The following CSMD3 variants were observed in gnomAD, a reference collection of about 807,000 sequenced individuals.
CSMD3 encodes the protein CUB and sushi domain-containing protein 3.
In CSMD3, 177 loss-of-function variants were observed where a neutral mutation model predicts 435.2. The observed-to-expected ratio is 0.41, with a 90% CI of 0.36 to 0.46. The LOEUF is 0.46. CSMD3 is among the 20% of genes least tolerant of loss of function. The pLI is 0.34. For synonymous variants in CSMD3, 1,656 were observed against 1,520.5 expected (o/e 1.09, Z -2.07); for missense variants, 4,265 against 4,504.6 (o/e 0.95, Z 1.52).
intron 10 of CSMD3, among the ~76,000 whole-genome samples, chr8:112,864,117 T>C (rs184296115): frequency 6.6e-6 from 1 of 152,296 alleles, no homozygotes; most frequent in Non-Finnish European, 1.5e-5. Flanking sequence ...TTGTCTTACA[T>C]TCAAGAGATA....
Position 113,034,126 on chromosome 8 carries a change from A to C in CSMD3, c.918-14947T>G, listed in dbSNP as rs1441034701. Reference sequence around the variant, plus strand: ...TTATAAATTACCCAGTCTCATTAGTATCTTCTGAGGAGTGTGAGAACAGAC... The same window carrying C: ...TTATAAATTACCCAGTCTCATTAGTCTCTTCTGAGGAGTGTGAGAACAGAC... On this transcript the variant is annotated intron_variant, in intron 5 of 70. Coordinates refer to ENST00000297405, the MANE Select transcript of CSMD3 (RefSeq NM_198123.2). Among the ~76,000 whole-genome samples, 15 of 151,688 alleles carry C rather than the reference A, an allele frequency of 9.9e-5. 1 individual carries two copies. Among genetic ancestry groups the C allele is most frequent in the East Asian group, 1.9e-4 (1 of 5,172 alleles).
At chr8:113,131,096 T>C (rs1032014139) in intron 4 of CSMD3, among the ~76,000 whole-genome samples, 5 of 152,046 alleles carry the variant, frequency 3.3e-5, no homozygotes, top group South Asian at 2.1e-4. Flanking sequence ...AAATTTGAAG[T>C]TATATTTAAA....
chr8:112,901,707 T>A (rs911136385), intron 10 of CSMD3, among the ~76,000 whole-genome samples: 9 of 151,290 alleles, frequency 5.9e-5, no homozygotes, highest in African/African-American at 2.2e-4. Flanking sequence ...TGATCCCCAG[T>A]GGAGACCAAA....
intron 27 of CSMD3, among the ~76,000 whole-genome samples, chr8:112,521,304 C>T (rs372577421): frequency 1.3e-5 from 2 of 152,056 alleles, no homozygotes; most frequent in East Asian, 1.9e-4. Flanking sequence ...TATCGTCAGT[C>T]TTTCCTCTAT....
chr8:112,250,636 A>G (rs2130203934), intron 63 of CSMD3, among the ~76,000 whole-genome samples: 1 of 151,808 alleles, frequency 6.6e-6, no homozygotes, highest in East Asian at 1.9e-4. Context: ...CATTCTAAAA[A>G]TTTATATTAT....
chr8:112,469,873 G>A (rs1484629767), intron 32 of CSMD3, among the ~76,000 whole-genome samples: 1 of 152,080 alleles, frequency 6.6e-6, no homozygotes, highest in Non-Finnish European at 1.5e-5. Flanking sequence ...ATCATAATTT[G>A]GGATAAATGA....
At chr8:113,249,681 C>CTTA (rs968685155) in intron 3 of CSMD3, among the ~76,000 whole-genome samples, 8 of 151,826 alleles carry the variant, frequency 5.3e-5, no homozygotes, top group African/African-American at 1.9e-4. Context: ...ATTCGACTGC[C>CTTA]TTATGTCCTG....
At chr8:112,954,782 A>C (rs1264133389) in intron 7 of CSMD3, 21 bp from the exon 8 acceptor site, 3 of 1,293,062 alleles carry the variant, frequency 2.3e-6, no homozygotes, top group Non-Finnish European at 3.4e-6. Flanking sequence ...AAACAAACAA[A>C]AACATGTATC....
At chr8:113,148,978 T>C (rs2091743086) in intron 4 of CSMD3, among the ~76,000 whole-genome samples, 1 of 151,634 alleles carries the variant, frequency 6.6e-6, no homozygotes, top group Admixed American at 6.6e-5. Context: ...CATATATACA[T>C]ATGTGAATAT....
intron 31 of CSMD3, among the ~76,000 whole-genome samples, chr8:112,480,407 G>A (rs769887164): frequency 3.3e-5 from 5 of 152,112 alleles, no homozygotes; most frequent in Admixed American, 6.5e-5. Flanking sequence ...AATGTGAGAA[G>A]GATATAAGAT....
Position 112,920,912 on chromosome 8 carries a change from T to TAC in CSMD3, c.1633+714_1633+715insGT, listed in dbSNP as rs1162830832. Among the ~76,000 whole-genome samples the TAC allele has an allele frequency of 8.5e-4, 121 of 143,178 alleles. 2 individuals are homozygous for TAC. Among genetic ancestry groups the TAC allele is most frequent in the African/African-American group, 2.7e-3 (111 of 40,434 alleles). The allele number at this position is 143,178 out of a possible 152,430, so 93.9% of individuals were successfully genotyped here. ...CAGTCAATATTTTGCCATATATATA[T>TAC]ATATATACACACACACACACACACA... On this transcript the variant is annotated intron_variant, in intron 10 of 70. Coordinates refer to ENST00000297405, the MANE Select transcript of CSMD3 (RefSeq NM_198123.2).
chr8:112,620,206 T>G (rs1833961260), intron 22 of CSMD3, among the ~76,000 whole-genome samples: 1 of 152,136 alleles, frequency 6.6e-6, no homozygotes, highest in Non-Finnish European at 1.5e-5. Flanking sequence ...AGAGTACACT[T>G]GGATCTTGAT....
At chr8:112,381,572 G>T (rs552132694) in intron 37 of CSMD3, among the ~76,000 whole-genome samples, 1 of 152,090 alleles carries the variant, frequency 6.6e-6, no homozygotes, top group African/African-American at 2.4e-5. Context: ...TTTGCTTTGC[G>T]CAACTTTGTG....
chr8:112,267,015 C>T (rs1460400032), intron 59 of CSMD3, among the ~76,000 whole-genome samples: 3 of 152,064 alleles, frequency 2.0e-5, no homozygotes, highest in Non-Finnish European at 4.4e-5. Flanking sequence ...CTCTCTCTCT[C>T]TGTCTACTCC....
chr8:113,409,547 C>T (rs2094548850), intron 1 of CSMD3, among the ~76,000 whole-genome samples: 1 of 152,094 alleles, frequency 6.6e-6, no homozygotes, highest in South Asian at 2.1e-4. Flanking sequence ...AGCACAGCTC[C>T]AGCAAATAAC....
chr8:112,441,580 A>G (rs1173482419), intron 32 of CSMD3, among the ~76,000 whole-genome samples: 3 of 152,228 alleles, frequency 2.0e-5, no homozygotes, highest in African/African-American at 7.2e-5. Flanking sequence ...GCTATAAAGC[A>G]AACACTGGGT....
At chr8:112,666,983 A>G (rs2075541728) in intron 16 of CSMD3, among the ~76,000 whole-genome samples, 1 of 152,020 alleles carries the variant, frequency 6.6e-6, no homozygotes, top group Admixed American at 6.6e-5. Context: ...CCTTTCTTAG[A>G]TTTGTATTTT....
At chr8:112,312,107 A>T (rs2130820436) in intron 49 of CSMD3, among the ~76,000 whole-genome samples, 1 of 152,318 alleles carries the variant, frequency 6.6e-6, no homozygotes, top group African/African-American at 2.4e-5. Flanking sequence ...CTTTTATGTT[A>T]TCATGTATCA....
chr8:112,464,099 G>T (rs557249953), intron 32 of CSMD3, among the ~76,000 whole-genome samples: 1 of 152,000 alleles, frequency 6.6e-6, no homozygotes, highest in Admixed American at 6.6e-5. Context: ...TTAGGTGGGC[G>T]TGGTGGCAGG....
Sources: allele counts gnomAD v4.1 joint callset (sites outside exome capture counted in the v4.1 genomes callset), GRCh38; gene constraint gnomAD v4.1.1; transcripts MANE v1.5; gene names NCBI Gene and HGNC (gene_info 2026-07-23, HGNC 2026-07-21).